KIF13A: variants seen among roughly 807,000 people sequenced by gnomAD.
KIF13A encodes kinesin-like protein KIF13A.
A neutral mutation model predicts 212.2 loss-of-function variants in KIF13A; 79 were observed. The observed-to-expected ratio is 0.37, with a 90% CI of 0.31 to 0.45. The LOEUF (loss-of-function observed/expected upper bound fraction) is 0.45. KIF13A is among the 20% of genes least tolerant of loss of function. The pLI, the probability that KIF13A is intolerant of heterozygous loss-of-function variation, is 1.00. For missense variants in KIF13A, 1,901 were observed against 2,209.0 expected (o/e 0.86, Z 2.79); for synonymous variants, 789 against 808.6 (o/e 0.98, Z 0.41).
At chr6:17,908,420 T>G (rs1423955965) in intron 2 of KIF13A, among the ~76,000 whole-genome samples, 6 of 151,842 alleles carry the variant, frequency 4.0e-5, no homozygotes, top group Admixed American at 2.0e-4. Flanking sequence ...AGCAACAGAG[T>G]AAGACCTTGT....
chr6:17,781,237 C>T lies in KIF13A; in HGVS notation c.3609G>A (p.Leu1203=). The T allele has an allele frequency of 1.2e-6, 2 of 1,613,814 alleles. No homozygotes were observed. Among genetic ancestry groups the T allele is most frequent in the African/African-American group, 1.3e-5 (1 of 75,030 alleles). The change falls in exon 30 of 39, where the codon CTG becomes CTA. Residue 1203 remains leucine, a synonymous_variant. Coordinates refer to ENST00000259711, the MANE Select transcript of KIF13A (RefSeq NM_022113.6). ...GPHASGVNSI[L]PKEHGSQFFY... ...AAAACTGGCTGCCATGCTCCTTGGG[C>T]AGGATGGAGTTCACGCCGGATGCAT... is the stretch of plus-strand genomic sequence containing the variant.
intron 2 of KIF13A, among the ~76,000 whole-genome samples, chr6:17,975,470 C>T (rs376334272): frequency 6.6e-6 from 1 of 152,094 alleles, no homozygotes; most frequent in East Asian, 1.9e-4. Context: ...AGACCTTCAG[C>T]GGTGAGCGTT....
intron 2 of KIF13A, among the ~76,000 whole-genome samples, chr6:17,975,181 TAAAAATAA>T (rs990131163): frequency 3.1e-4 from 47 of 151,944 alleles, no homozygotes; most frequent in African/African-American, 1.1e-3. Context: ...CTATCTCTAC[TAAAAATAA>T]AAAAATAAAA....
rs184375529 is a variant in KIF13A, at chr6:17,855,469, A to G, written c.462T>C (p.Asn154=). 1.2e-6 allele frequency: 2 copies of G among 1,612,812 alleles called. No homozygotes were observed. The highest frequency in any genetic ancestry group is 2.7e-5 in the African/African-American group (2 of 74,944). Residue 154 remains asparagine, a synonymous_variant, in exon 6 of 39, where the codon AAT becomes AAC. Transcript: ENST00000259711. The surrounding 1 kb of genome is among the most constrained non-coding windows in gnomAD (Gnocchi z 4.1). ...KVEVSYMEIY[N]EKVRDLLDPK... ...GGTCTAAAAGATCCCGAACTTTCTC[A>G]TTATAAATTTCCATATAGGACACTT...
chr6:17,937,661 T>A (rs1776582715), intron 2 of KIF13A, among the ~76,000 whole-genome samples: 1 of 152,194 alleles, frequency 6.6e-6, no homozygotes, highest in Non-Finnish European at 1.5e-5. Context: ...ATCCAACTAT[T>A]ATTGTCCAAT....
rs1759954758 is a variant in KIF13A at position 17,776,079 on chromosome 6, T to A, written c.4171-1017A>T. ...TTTTAGTAGAGACCGGGTTTCTCCA[T>A]GTTGGTCAGGCTGGTCTTGAACTCC... On this transcript the variant is annotated intron_variant, in intron 34 of 38. Coordinates refer to ENST00000259711, the MANE Select transcript of KIF13A (RefSeq NM_022113.6). This position sits in a 1 kb window ranked among gnomAD's most constrained non-coding sequence, Gnocchi z 4.6. Among the ~76,000 whole-genome samples the A allele has an allele frequency of 6.6e-6, 1 of 152,174 alleles. No homozygotes were observed. The highest frequency in any genetic ancestry group is 2.4e-5 in the African/African-American group (1 of 41,442).
intron 6 of KIF13A, among the ~76,000 whole-genome samples, chr6:17,852,984 C>G (rs1189201500): frequency 6.6e-6 from 1 of 152,146 alleles, no homozygotes; most frequent in African/African-American, 2.4e-5. Context: ...AGATTAAAAG[C>G]AAAGCTATGT....
intron 2 of KIF13A, among the ~76,000 whole-genome samples, chr6:17,923,053 C>G (rs1775218819): frequency 6.6e-6 from 1 of 151,968 alleles, no homozygotes; most frequent in African/African-American, 2.4e-5. Flanking sequence ...AGGTGGATCA[C>G]TTGAGCTCAG....
intron 2 of KIF13A, among the ~76,000 whole-genome samples, chr6:17,929,069 A>ACC (rs141896320): frequency 1.5e-5 from 2 of 130,330 alleles, no homozygotes; most frequent in Non-Finnish European, 3.2e-5. Flanking sequence ...CAAAAAAAAA[A>ACC]AAAAAAAAAA....
At chr6:17,905,482 C>T (rs960205330) in intron 2 of KIF13A, among the ~76,000 whole-genome samples, 8 of 152,222 alleles carry the variant, frequency 5.3e-5, no homozygotes, top group African/African-American at 1.9e-4. Flanking sequence ...ACAAACATTT[C>T]ACATGCACTG....
intron 29 of KIF13A, among the ~76,000 whole-genome samples, chr6:17,781,588 G>C (rs1266358605): frequency 1.4e-5 from 2 of 146,976 alleles, no homozygotes; most frequent in Non-Finnish European, 3.0e-5. Context: ...ACTTCCCAAT[G>C]TGCTGGGATT....
chr6:17,933,983 T>A (rs1447288751), intron 2 of KIF13A, among the ~76,000 whole-genome samples: 1 of 152,208 alleles, frequency 6.6e-6, no homozygotes, highest in Non-Finnish European at 1.5e-5. Context: ...TATGGAAACA[T>A]AGGATTTCAA....
chr6:17,953,322 CAAA>C (rs2150574253), intron 2 of KIF13A, among the ~76,000 whole-genome samples: 1 of 152,184 alleles, frequency 6.6e-6, no homozygotes, highest in African/African-American at 2.4e-5. Flanking sequence ...CTCTCTTTCT[CAAA>C]GAATACACTC....
intron 2 of KIF13A, among the ~76,000 whole-genome samples, chr6:17,974,657 T>C (rs1198668697): frequency 8.0e-6 from 1 of 124,262 alleles, no homozygotes; most frequent in East Asian, 2.4e-4. Flanking sequence ...CCTGGGAAGC[T>C]TTTTTAAAAA....
Position 17,834,068 on chromosome 6 carries a change from T to C in KIF13A, c.1159A>G (p.Met387Val), listed in dbSNP as rs771360881. ...TTCTCCTTCAGTTCAGGGGCCTTCA[T>C]GGCCTTTAAAATGAAATCAGAGATA... is the stretch of plus-strand genomic sequence containing the variant. Reference protein sequence around the residue: ...LREQLSQAEAMKAPELKEKLE... With the variant: ...LREQLSQAEAVKAPELKEKLE... The change falls in exon 12 of 39, where the codon ATG becomes GTG. Residue 387 changes from methionine to valine, a missense_variant. Around this residue, in one of 5 missense-constraint regions of KIF13A, gnomAD observed 506 missense variants for 637.4 expected, o/e 0.79. Coordinates refer to ENST00000259711, the MANE Select transcript of KIF13A (RefSeq NM_022113.6). This position sits in a 1 kb window ranked among gnomAD's most constrained non-coding sequence, Gnocchi z 4.0. The C allele has an allele frequency of 1.3e-6, 2 of 1,577,462 alleles. No homozygotes were observed. Among genetic ancestry groups the C allele is most frequent in the Non-Finnish European group, 1.7e-6 (2 of 1,169,356 alleles).
intron 9 of KIF13A, among the ~76,000 whole-genome samples, chr6:17,841,381 C>T (rs984949080): frequency 4.6e-5 from 7 of 152,136 alleles, no homozygotes; most frequent in African/African-American, 1.7e-4. Context: ...CCAAGTTATA[C>T]CTACCACTTT....
chr6:17,969,314 T>C (rs1779599677), intron 2 of KIF13A, among the ~76,000 whole-genome samples: 1 of 152,226 alleles, frequency 6.6e-6, no homozygotes, highest in South Asian at 2.1e-4. Context: ...TCGTGATATC[T>C]TCTGCTTTGT....
In KIF13A at chr6:17,825,908, C is replaced by T. The variant is rs868551894; in HGVS notation, c.1646G>A (p.Arg549Gln). 11 of 1,613,968 alleles carry T rather than the reference C, an allele frequency of 6.8e-6. No homozygotes were observed. Among genetic ancestry groups the T allele is most frequent in the South Asian group, 2.2e-5 (2 of 91,080 alleles). ...TTTTTCAAAGTCTTTCAACCAATCTCGACGTTTCCTCTTAGGTAAGTTTAT... is the reference window on the plus strand; with the variant it reads ...TTTTTCAAAGTCTTTCAACCAATCTTGACGTTTCCTCTTAGGTAAGTTTAT... The part of the protein sequence containing the change: ...FRINLPKRKR[R>Q]DWLKDFEKET... The change falls in exon 16 of 39, where the codon CGA becomes CAA. Residue 549 changes from arginine (R) to glutamine (Q), a missense_variant. This residue lies in a region of KIF13A where 534 missense variants were observed against 536.9 expected (regional missense o/e 0.99). Coordinates refer to ENST00000259711, the MANE Select transcript of KIF13A (RefSeq NM_022113.6). The surrounding 1 kb of genome is among the most constrained non-coding windows in gnomAD (Gnocchi z 4.5).
At chr6:17,957,688 G>C (rs1445457016) in intron 2 of KIF13A, among the ~76,000 whole-genome samples, 1 of 152,178 alleles carries the variant, frequency 6.6e-6, no homozygotes, top group Non-Finnish European at 1.5e-5. Context: ...AACTGAATCA[G>C]AGGACACCCA....
Sources: gnomAD v4.1 joint callset for allele counts (sites outside exome capture counted in the v4.1 genomes callset) on GRCh38, gnomAD v4.1.1 for gene constraint, gnomAD v4.1.1 regional missense constraint, Gnocchi (gnomAD v3.1) non-coding constraint, MANE v1.5 for transcripts, NCBI Gene and HGNC (gene_info 2026-07-23, HGNC 2026-07-21) for gene names.